The following MYOF variants were observed in gnomAD, a reference collection of about 807,000 sequenced individuals.
MYOF encodes fer-1-like 3, myoferlin.
Under a neutral mutation model 284.2 loss-of-function variants are expected in MYOF, and 244 were observed. The ratio of observed to expected loss-of-function variants is 0.86; its 90% CI spans 0.77 to 0.95. The LOEUF (loss-of-function observed/expected upper bound fraction) is 0.95. MYOF is among the 40% of genes least tolerant of loss of function. The pLI is 0.00. For synonymous variants in MYOF, 904 were observed against 919.7 expected (o/e 0.98, Z 0.31); for missense variants, 2,496 against 2,560.6 (o/e 0.97, Z 0.54).
intron 2 of MYOF, among the ~76,000 whole-genome samples, chr10:93,455,335 C>A (rs2056719509): frequency 6.7e-6 from 1 of 149,560 alleles, no homozygotes; most frequent in African/African-American, 2.4e-5. Flanking sequence ...CAAAAAAAAC[C>A]CCCAAGGCAT....
chr10:93,361,311 T>C, intron 28 of MYOF, 141 bp downstream of exon 28: 1 of 728,160 alleles, frequency 1.4e-6, no homozygotes, highest in South Asian at 1.9e-5. Context: ...GGCCATGAAC[T>C]GGTACCAGTC....
At position 93,361,871 on chromosome 10, in the gene MYOF, A is replaced by G. The variant is rs186937959; in HGVS notation, c.2869-314T>C. 7.9e-5 allele frequency among the ~76,000 whole-genome samples: 12 copies of G among 152,324 alleles called. No homozygotes were observed. The East Asian group carries it at 2.3e-3, about 29-fold the overall frequency. On this transcript the variant is annotated intron_variant, in intron 27 of 53. Coordinates refer to ENST00000359263, the MANE Select transcript of MYOF (RefSeq NM_013451.4). The stretch of plus-strand genomic sequence containing the variant: ...TTATGGTTCAACTTAATATTATGAA[A>G]TGGTGCAACTCTCTTTATGAGGGGT...
chr10:93,439,539 G>T (rs765734690), intron 3 of MYOF, among the ~76,000 whole-genome samples: 4 of 152,172 alleles, frequency 2.6e-5, no homozygotes, highest in Non-Finnish European at 4.4e-5. Context: ...GATAAGGAGG[G>T]ACAGCTTTGC....
At chr10:93,455,627 C>G (rs148685667) in intron 2 of MYOF, among the ~76,000 whole-genome samples, 10 of 152,134 alleles carry the variant, frequency 6.6e-5, no homozygotes, top group African/African-American at 1.9e-4. Flanking sequence ...ATCACGCCAC[C>G]GCACTCCAAC....
At chr10:93,326,052 C>T in intron 45 of MYOF, 87 bp from the exon 46 acceptor site, 2 of 1,537,080 alleles carry the variant, frequency 1.3e-6, no homozygotes, top group Non-Finnish European at 1.8e-6. Flanking sequence ...GCACTTCATC[C>T]CAGACTTTGC....
intron 3 of MYOF, among the ~76,000 whole-genome samples, chr10:93,440,360 C>T (rs942066225): frequency 1.1e-4 from 17 of 152,002 alleles, no homozygotes; most frequent in Non-Finnish European, 1.6e-4. Flanking sequence ...TGCAGTGAGC[C>T]GGGATTGTGC....
rs752769187 is a variant in MYOF at position 93,373,012 on chromosome 10, G to C, written c.2375C>G (p.Pro792Arg). The C allele has an allele frequency of 6.2e-7, 1 of 1,614,170 alleles. No individual in the cohort carries two copies. Among genetic ancestry groups the C allele is most frequent in the Non-Finnish European group, 8.5e-7 (1 of 1,180,026 alleles). The change falls in exon 24 of 54, where the codon CCC becomes CGC. Residue 792 changes from proline (P) to arginine (R), a missense_variant. Physicochemically the swap from Pro to Arg is moderately radical, Grantham distance 103. Coordinates refer to ENST00000359263, the MANE Select transcript of MYOF (RefSeq NM_013451.4). ...GEKRLAYARI[P>R]AHQVLYSTSG... ...GGTGGAGTACAAGACCTGATGTGCGGGAATTCGTGCATAGGCCAGTCTCTT... is the reference window on the plus strand; with the variant it reads ...GGTGGAGTACAAGACCTGATGTGCGCGAATTCGTGCATAGGCCAGTCTCTT...
intron 24 of MYOF, among the ~76,000 whole-genome samples, chr10:93,370,039 C>T (rs1020419044): frequency 6.6e-5 from 10 of 152,192 alleles, no homozygotes; most frequent in Admixed American, 6.5e-5. Context: ...AACAATTTTT[C>T]TAATAACACT....
intron 53 of MYOF, 138 bp from the exon 54 acceptor site, chr10:93,307,139 A>T: frequency 1.4e-6 from 1 of 737,090 alleles, no homozygotes; most frequent in Non-Finnish European, 2.1e-6. Context: ...TGTGCATTGT[A>T]GGATGTTCAG....
intron 20 of MYOF, among the ~76,000 whole-genome samples, chr10:93,380,313 T>C (rs1846054796): frequency 6.6e-6 from 1 of 152,224 alleles, no homozygotes; most frequent in African/African-American, 2.4e-5. Context: ...CATAGGAAGC[T>C]AGACTGAACA....
At position 93,347,659 on chromosome 10, in the gene MYOF, C is replaced by T; in HGVS notation, c.4207G>A (p.Asp1403Asn). 1 of 1,613,904 alleles carries T rather than the reference C, an allele frequency of 6.2e-7. No homozygotes were observed. The highest frequency in any genetic ancestry group is 1.1e-5 in the South Asian group (1 of 91,068). Residue 1403 changes from aspartate to asparagine, a missense_variant, in exon 37 of 54, where the codon GAC becomes AAC. Physicochemically the swap from Asp to Asn is conservative, Grantham distance 23. Coordinates refer to ENST00000359263, the MANE Select transcript of MYOF (RefSeq NM_013451.4). ...ATGTCCTCTTTCCCTGCATAAGGGT[C>T]ACAGCGAAAGCGGTCCAGGCGCTCG... The part of the protein sequence containing the change: ...TIERLDRFRC[D>N]PYAGKEDIVP...
chr10:93,339,748 C>T (rs958477963), intron 39 of MYOF, among the ~76,000 whole-genome samples: 1 of 151,726 alleles, frequency 6.6e-6, no homozygotes, highest in African/African-American at 2.4e-5. Flanking sequence ...GGATTATAGG[C>T]GTGAGCCACT....
intron 1 of MYOF, among the ~76,000 whole-genome samples, chr10:93,470,763 G>T (rs2057128261): frequency 6.6e-6 from 1 of 152,152 alleles, no homozygotes; most frequent in South Asian, 2.1e-4. Flanking sequence ...CTGCATGTGG[G>T]CAGGGCCAAA....
intron 49 of MYOF, among the ~76,000 whole-genome samples, chr10:93,318,866 T>C (rs1434942195): frequency 6.6e-6 from 1 of 152,026 alleles, no homozygotes; most frequent in East Asian, 1.9e-4. Context: ...TGATCAGGTG[T>C]GGGGAGAGGA....
At chr10:93,432,296 G>T (rs1848908829) in intron 3 of MYOF, among the ~76,000 whole-genome samples, 1 of 151,992 alleles carries the variant, frequency 6.6e-6, no homozygotes, top group South Asian at 2.1e-4. Context: ...AATAAGATGG[G>T]AAGCTCACTT....
intron 50 of MYOF, among the ~76,000 whole-genome samples, chr10:93,313,454 A>T (rs1387745722): frequency 6.6e-6 from 1 of 152,250 alleles, no homozygotes; most frequent in African/African-American, 2.4e-5. Context: ...ATGAGCATAA[A>T]CAGAGTTCTT....
At chr10:93,478,311 G>A in intron 1 of MYOF, 2 of 223,408 alleles carry the variant, frequency 9.0e-6, no homozygotes, top group Non-Finnish European at 1.8e-5. Context: ...ACTTAGGGCA[G>A]AATGGCCACC....
chr10:93,457,278 G>A (rs1030910249), intron 1 of MYOF, among the ~76,000 whole-genome samples: 4 of 152,206 alleles, frequency 2.6e-5, no homozygotes, highest in African/African-American at 4.8e-5. Flanking sequence ...TTTTATAGAT[G>A]AGGATATTGA....
At position 93,306,910 on chromosome 10, in the gene MYOF, A is replaced by G. The variant is rs375972290; in HGVS notation, c.*53T>C. On this transcript the variant is annotated 3_prime_UTR_variant, in exon 54 of 54. Coordinates refer to ENST00000359263, the MANE Select transcript of MYOF (RefSeq NM_013451.4). Reference sequence around the variant, plus strand: ...AATCACACTGGATGTTGGTCTACAGAGGCAGGATTCTCTCATTGCTGGATG... The same window carrying G: ...AATCACACTGGATGTTGGTCTACAGGGGCAGGATTCTCTCATTGCTGGATG... 1.3e-6 allele frequency: 2 copies of G among 1,572,360 alleles called. No individual in the cohort carries two copies.
Sources: gnomAD v4.1 joint callset for allele counts (sites outside exome capture counted in the v4.1 genomes callset) on GRCh38, gnomAD v4.1.1 for gene constraint, MANE v1.5 for transcripts, NCBI Gene and HGNC (gene_info 2026-07-23, HGNC 2026-07-21) for gene names.